FIG4: variants seen among roughly 807,000 people sequenced by gnomAD.
FIG4 encodes the protein polyphosphoinositide phosphatase.
FIG4 carries 112 observed loss-of-function variants against 118.6 expected under a neutral mutation model. The ratio of observed to expected loss-of-function variants is 0.94; its 90% confidence interval spans 0.81 to 1.11. The LOEUF is 1.11. FIG4 is among the 50% of genes least tolerant of loss of function. The pLI, the probability that FIG4 is intolerant of heterozygous loss-of-function variation, is 0.00. For synonymous variants in FIG4, 369 were observed against 381.2 expected (o/e 0.97, Z 0.37); for missense variants, 969 against 1,111.7 (o/e 0.87, Z 1.83).
At chr6:109,732,021 G>A (rs1185044171) in intron 4 of FIG4, among the ~76,000 whole-genome samples, 2 of 152,190 alleles carry the variant, frequency 1.3e-5, no homozygotes, top group Admixed American at 1.3e-4. Context: ...GTAAAGAGAT[G>A]CATGGACTGG....
At chr6:109,741,597 T>A in intron 8 of FIG4, 53 bp downstream of exon 8, 6 of 1,114,220 alleles carry the variant, frequency 5.4e-6, no homozygotes, top group Non-Finnish European at 6.9e-6. Flanking sequence ...ATATCAGCTT[T>A]GCTGATGTAG....
chr6:109,821,599 A>G (rs574751855), intron 22 of FIG4, among the ~76,000 whole-genome samples: 12 of 152,322 alleles, frequency 7.9e-5, no homozygotes, highest in South Asian at 2.1e-4. Flanking sequence ...ACAAGTCCCA[A>G]TGGGTTACTG....
At chr6:109,742,163 G>A (rs1003781710) in intron 8 of FIG4, among the ~76,000 whole-genome samples, 8 of 151,880 alleles carry the variant, frequency 5.3e-5, no homozygotes, top group African/African-American at 1.5e-4. Flanking sequence ...TATGAAATGC[G>A]GTACATGTTT....
At chr6:109,791,264 A>G in intron 19 of FIG4, 112 bp from the exon 20 acceptor site, 1 of 890,844 alleles carries the variant, frequency 1.1e-6, no homozygotes, top group Non-Finnish European at 1.8e-6. Context: ...AACTAGTGTC[A>G]CAGTCATTTT....
intron 15 of FIG4, among the ~76,000 whole-genome samples, chr6:109,774,759 A>G (rs139617295): frequency 4.2e-4 from 64 of 152,100 alleles, no homozygotes; most frequent in African/African-American, 1.4e-3. Flanking sequence ...CTGTTTTTCT[A>G]TTAGGGGTTA....
At position 109,744,128 on chromosome 6, in the gene FIG4, A is replaced by G. The variant is rs182129362; in HGVS notation, c.1137+356A>G. 3.6e-4 allele frequency among the ~76,000 whole-genome samples: 55 copies of G among 152,226 alleles called. 1 individual carries two copies. Among genetic ancestry groups the G allele is most frequent in the African/African-American group, 1.2e-3 (51 of 41,556 alleles). On this transcript the variant is annotated intron_variant, in intron 10 of 22. Transcript: ENST00000230124. ...GAAAGAAGCATGAAATCAAACTGTC[A>G]CAGCCTCACCTTTACAGTCATCTCC... is the stretch of plus-strand genomic sequence containing the variant.
At chr6:109,756,529 T>C (rs1190270908) in intron 10 of FIG4, among the ~76,000 whole-genome samples, 1 of 152,164 alleles carries the variant, frequency 6.6e-6, no homozygotes, top group Non-Finnish European at 1.5e-5. Context: ...TCCTGCAGAG[T>C]GTTTTCCAAC....
At position 109,825,133 on chromosome 6, in the gene FIG4, G is replaced by GC. The variant is rs755145550; in HGVS notation, c.2597dup (p.Arg867LysfsTer55). Reference sequence around the variant, plus strand: ...CGCAAGATAACATCTATGAAGTTCAGCCCCCAAGAGTAGACAGAAAATCTA... The same window carrying GC: ...CGCAAGATAACATCTATGAAGTTCAGCCCCCCAAGAGTAGACAGAAAATCTA... On this transcript the variant is annotated frameshift_variant, in exon 23 of 23. Coordinates refer to ENST00000230124, the MANE Select transcript of FIG4 (RefSeq NM_014845.6). LOFTEE classifies it high-confidence loss of function. 6 of 1,613,924 alleles carry GC rather than the reference G, an allele frequency of 3.7e-6. No homozygotes were observed. The highest frequency in any genetic ancestry group is 4.2e-6 in the Non-Finnish European group (5 of 1,179,884).
chr6:109,798,375 A>G (rs74373477), intron 22 of FIG4, among the ~76,000 whole-genome samples: 178 of 152,284 alleles, frequency 1.2e-3, no homozygotes, highest in Non-Finnish European at 2.0e-3. Flanking sequence ...TACTCATTCA[A>G]CACATAGGTA....
At chr6:109,763,198 T>C (rs1562669613) in intron 12 of FIG4, among the ~76,000 whole-genome samples, 1 of 152,218 alleles carries the variant, frequency 6.6e-6, no homozygotes, top group Non-Finnish European at 1.5e-5. Flanking sequence ...CCATATTATT[T>C]CTACAAACCA....
intron 11 of FIG4, among the ~76,000 whole-genome samples, chr6:109,761,257 C>T (rs1777095796): frequency 6.6e-6 from 1 of 152,186 alleles, no homozygotes. Context: ...GTGGTACGAT[C>T]TCAGCTTATT....
chr6:109,793,929 A>G (rs1482476536), intron 21 of FIG4, among the ~76,000 whole-genome samples: 1 of 152,208 alleles, frequency 6.6e-6, no homozygotes, highest in Non-Finnish European at 1.5e-5. Flanking sequence ...CACAGTACTT[A>G]TTCATCATGG....
chr6:109,786,140 T>C (rs1777948315), intron 17 of FIG4, 162 bp from the exon 18 acceptor site: 3 of 627,742 alleles, frequency 4.8e-6, no homozygotes, highest in Middle Eastern at 4.2e-4. Flanking sequence ...TCTCATCTCC[T>C]TTCTAACTGT....
At chr6:109,700,489 T>G (rs947561094) in intron 1 of FIG4, among the ~76,000 whole-genome samples, 1 of 152,184 alleles carries the variant, frequency 6.6e-6, no homozygotes, top group Non-Finnish European at 1.5e-5. Flanking sequence ...ATTCCCTTTT[T>G]CCCCCTGTTA....
At chr6:109,723,658 T>C (rs1583650817) in intron 3 of FIG4, among the ~76,000 whole-genome samples, 1 of 152,190 alleles carries the variant, frequency 6.6e-6, no homozygotes, top group Admixed American at 6.5e-5. Context: ...TTTTTGGCCA[T>C]AGTTGATTGG....
intron 3 of FIG4, among the ~76,000 whole-genome samples, chr6:109,716,811 C>A (rs980497176): frequency 6.6e-6 from 1 of 152,088 alleles, no homozygotes; most frequent in Admixed American, 6.6e-5. Context: ...ATGTTTTTGG[C>A]CTTTGAGGAG....
chr6:109,695,583 CACACACACACACACACAG>C (rs1348748592), intron 1 of FIG4, among the ~76,000 whole-genome samples: 3 of 145,168 alleles, frequency 2.1e-5, no homozygotes, highest in African/African-American at 7.5e-5. Context: ...AGTGAATACA[CACACACACACACACACAG>C]ACACACACAC....
rs547450819 is a variant in FIG4 at position 109,760,380 on chromosome 6, A to G, written c.1268A>G (p.Lys423Arg). ...YIPWDMAKYT[K>R]SKLCNVLDRL... ...CCCTGGGACATGGCCAAGTATACCA[A>G]AAGGTGAATGATACTCATCTGTCTG... Residue 423 changes from lysine (K) to arginine (R), a missense_variant, in exon 11 of 23, where the codon AAA becomes AGA. Lys to Arg is a conservative substitution (Grantham distance 26). This residue lies in a region of FIG4 where 246 missense variants were observed against 354.3 expected (regional missense o/e 0.69). Transcript: ENST00000230124. 1.2e-6 allele frequency: 2 copies of G among 1,612,736 alleles called. No individual in the cohort carries two copies. Among genetic ancestry groups the G allele is most frequent in the Admixed American group, 3.3e-5 (2 of 59,972 alleles).
At chr6:109,813,712 C>T (rs1778782892) in intron 22 of FIG4, among the ~76,000 whole-genome samples, 1 of 152,072 alleles carries the variant, frequency 6.6e-6, no homozygotes, top group Non-Finnish European at 1.5e-5. Flanking sequence ...TCTTTGTGAC[C>T]ACGAGCATAC....
Sources: gnomAD v4.1 joint callset for allele counts (sites outside exome capture counted in the v4.1 genomes callset) on GRCh38, gnomAD v4.1.1 for gene constraint, gnomAD v4.1.1 regional missense constraint, MANE v1.5 for transcripts, NCBI Gene and HGNC (gene_info 2026-07-23, HGNC 2026-07-21) for gene names.